Variants in TCFL5 observed in about 807,000 individuals in gnomAD.
TCFL5 encodes transcription factor like 5, also known as transcription factor-like 5 protein.
TCFL5 carries 9 observed loss-of-function variants against 44.3 expected under a neutral mutation model. The observed-to-expected ratio is 0.20, with a 90% CI of 0.12 to 0.35. The LOEUF (loss-of-function observed/expected upper bound fraction) is 0.35. TCFL5 is among the 10% of genes least tolerant of loss of function. The probability of loss-of-function intolerance (pLI) is 1.00; values close to 1 mark genes in which losing one functional copy is unlikely to be tolerated. For missense variants in TCFL5, 603 were observed against 613.4 expected, an observed-to-expected ratio of 0.98 and a Z score of 0.18; for synonymous variants, 319 against 271.6, an observed-to-expected ratio of 1.17 and a Z score of -1.72.
At chr20:62,846,202 T>C (rs1182516394) in intron 5 of TCFL5, 3 of 923,152 alleles carry the variant, frequency 3.2e-6, no homozygotes, top group African/African-American at 1.7e-5. Flanking sequence ...AAAATAATCA[T>C]CCTCAGACAT....
At chr20:62,859,969 A>G (rs1179040603) in intron 2 of TCFL5, among the ~76,000 whole-genome samples, 156 bp downstream of exon 2, 1 of 152,272 alleles carries the variant, frequency 6.6e-6, no homozygotes, top group East Asian at 1.9e-4. Flanking sequence ...TCGGCCTCCC[A>G]AAGTGCTGGG....
intron 5 of TCFL5, chr20:62,844,914 C>T: frequency 1.0e-6 from 1 of 984,934 alleles, no homozygotes; most frequent in Non-Finnish European, 1.2e-6. Context: ...CTTTTTGTTG[C>T]TGAGTTGTAG....
In TCFL5 at chr20:62,861,375, T is replaced by A; in HGVS notation, c.296A>T (p.Gln99Leu). 1 of 1,071,102 alleles carries A rather than the reference T, an allele frequency of 9.3e-7. No homozygotes were observed. The highest frequency in any genetic ancestry group is 1.1e-6 in the Non-Finnish European group (1 of 889,546). The allele number at this position is 1,071,102 out of a possible 1,614,324, so 66.3% of individuals were successfully genotyped here. A position where few individuals can be genotyped will look rare whatever the true frequency, so the allele number is the denominator to read the frequency against. The change falls in exon 1 of 6, where the codon CAG (glutamine) becomes CTG (leucine). Residue 99 changes from glutamine to leucine, a missense_variant. Gln to Leu is a moderately radical substitution (Grantham distance 113). Transcript: ENST00000335351. The surrounding 1 kb of genome is among the most constrained non-coding windows in gnomAD (Gnocchi z 4.0). ...GGGGTACACGGGCGCCGCGCCCCCC[T>A]GACCGCCCGCCGCGAAGCCGCCCGC... Reference protein sequence around the residue: ...AGAGGFAAGGQGGAAPVYPVL... With the variant: ...AGAGGFAAGGLGGAAPVYPVL...
chr20:62,845,240 G>T, intron 5 of TCFL5: 1 of 807,336 alleles, frequency 1.2e-6, no homozygotes, highest in Non-Finnish European at 1.5e-6. Context: ...TCCCACCTCA[G>T]CCTCCTGAGT....
intron 4 of TCFL5, 21 bp from the exon 5 acceptor site, chr20:62,854,178 C>A (rs1015585390): frequency 6.2e-7 from 1 of 1,613,006 alleles, no homozygotes; most frequent in South Asian, 1.1e-5. Context: ...AACCCAAAGT[C>A]ATCACCGAGA....
At chr20:62,858,713 G>A (rs1298533199) in intron 3 of TCFL5, among the ~76,000 whole-genome samples, 1 of 108,676 alleles carries the variant, frequency 9.2e-6, no homozygotes, top group East Asian at 2.4e-4. Context: ...TTCCCAGGGA[G>A]GAAGGGGCTA....
intron 4 of TCFL5, 53 bp from the exon 5 acceptor site, chr20:62,854,210 T>C: frequency 3.1e-6 from 5 of 1,599,092 alleles, no homozygotes; most frequent in South Asian, 1.1e-5. Flanking sequence ...AAAACAAACA[T>C]GTAAAAGGAA....
At position 62,851,640 on chromosome 20, in the gene TCFL5, T is replaced by C. The variant is rs1442090881; in HGVS notation, c.1380+2376A>G. 5 of 985,276 alleles carry C rather than the reference T, an allele frequency of 5.1e-6. No individual in the cohort carries two copies. In the African/African-American group the frequency reaches 7.0e-5, roughly 14 times the overall value. The allele number at this position is 985,276 out of a possible 1,614,324, so 61.0% of individuals were successfully genotyped here. ...CATCGCTATAGAATGCAATTAAATG[T>C]ATAATGTAAATAAACAACTTAAATT... On this transcript the variant is annotated intron_variant, in intron 5 of 5. Transcript: ENST00000335351.
intron 5 of TCFL5, among the ~76,000 whole-genome samples, chr20:62,850,506 A>G (rs2063793790): frequency 1.3e-5 from 2 of 151,830 alleles, no homozygotes; most frequent in Non-Finnish European, 2.9e-5. Flanking sequence ...CACAAACACA[A>G]GAAGCCTTGT....
Position 62,860,299 on chromosome 20 carries a change from A to T in TCFL5, c.657T>A (p.Thr219=). The T allele has an allele frequency of 6.2e-7, 1 of 1,605,896 alleles. No homozygotes were observed. Among genetic ancestry groups the T allele is most frequent in the Non-Finnish European group, 8.5e-7 (1 of 1,173,038 alleles). Residue 219 remains threonine, a synonymous_variant, in exon 2 of 6, where the codon ACT becomes ACA. Coordinates refer to ENST00000335351, the MANE Select transcript of TCFL5 (RefSeq NM_006602.4). ...EPGGALNNLV[T]LIRHPSELMN... ...TTAGTTCAGATGGATGTCGAATGAG[A>T]GTTACCAAACTGCCAAGACAAAAGA... is the stretch of plus-strand genomic sequence containing the variant.
chr20:62,844,558 TC>T lies in TCFL5; in HGVS notation c.1381-2462del, dbSNP rs1433834830. Among the ~76,000 whole-genome samples, 1,063 of 135,718 alleles carry T rather than the reference TC, an allele frequency of 7.8e-3. 5 individuals carry two copies. The highest frequency in any genetic ancestry group is 0.012 in the Non-Finnish European group (749 of 64,882). The allele number at this position is 135,718 out of a possible 152,430, so 89.0% of individuals were successfully genotyped here. Reference sequence around the variant, plus strand: ...CACGCCTGGCTTTCAACATTTTTTTTCTGTTTTTTTTTGTTTGTTTTTTGTT... The same window carrying T: ...CACGCCTGGCTTTCAACATTTTTTTTTGTTTTTTTTTGTTTGTTTTTTGTT... On this transcript the variant is annotated intron_variant, in intron 5 of 5. Transcript: ENST00000335351.
intron 5 of TCFL5, among the ~76,000 whole-genome samples, chr20:62,846,878 A>C (rs1169099081): frequency 1.3e-5 from 2 of 152,136 alleles, no homozygotes; most frequent in Admixed American, 6.5e-5. Flanking sequence ...AAAATATACC[A>C]GGAAGTTATT....
At position 62,857,513 on chromosome 20, in the gene TCFL5, C is replaced by A; in HGVS notation, c.1120G>T (p.Gly374Cys). ...NVGEGATATQ[G>C]AWQSSESSQA... ...GAGGACTCCGAGGACTGCCAAGCGC[C>A]TTGTGTGGCGGTGGCACCTTCGCCC... is the stretch of plus-strand genomic sequence containing the variant. Residue 374 changes from glycine to cysteine, a missense_variant, in exon 4 of 6, where the codon GGC (glycine) becomes TGC (cysteine). This residue lies in a region of TCFL5 where 540 missense variants were observed against 478.7 expected (regional missense o/e 1.13). Transcript: ENST00000335351. 1 of 1,614,266 alleles carries A rather than the reference C, an allele frequency of 6.2e-7. No individual in the cohort carries two copies. Among genetic ancestry groups the A allele is most frequent in the Non-Finnish European group, 8.5e-7 (1 of 1,180,048 alleles).
chr20:62,842,473 C>T lies in TCFL5; in HGVS notation c.1381-376G>A, dbSNP rs568173966. On this transcript the variant is annotated intron_variant, in intron 5 of 5. Transcript: ENST00000335351. The surrounding 1 kb of genome is among the most constrained non-coding windows in gnomAD (Gnocchi z 4.3). ...AGAAGGTAGAGTGTATATATTAAAA[C>T]GTTTCAGGCCGGGCGTGGCGGCTCA... Among the ~76,000 whole-genome samples, 5 of 152,296 alleles carry T rather than the reference C, an allele frequency of 3.3e-5. No individual in the cohort carries two copies. The highest frequency in any genetic ancestry group is 2.1e-4 in the South Asian group (1 of 4,826).
chr20:62,845,761 C>T, intron 5 of TCFL5: 4 of 1,606,248 alleles, frequency 2.5e-6, no homozygotes, highest in Non-Finnish European at 3.4e-6. Flanking sequence ...GATAACTTCT[C>T]CATCACCAAG....
rs2063677810 is a variant in TCFL5 at position 62,841,271 on chromosome 20, ATAAG to A, written c.*700_*703del. 1.3e-5 allele frequency: 2 copies of A among 153,142 alleles called. No individual in the cohort carries two copies. The highest frequency in any genetic ancestry group is 2.9e-5 in the Non-Finnish European group (2 of 69,364). The allele number at this position is 153,142 out of a possible 1,614,324, so 9.5% of individuals were successfully genotyped here. On this transcript the variant is annotated 3_prime_UTR_variant, in exon 6 of 6. Transcript: ENST00000335351. ...CTATTGCTATTACCTGTTGTGATTG[ATAAG>A]TAAAGCCACTCATTGAAAAACCCAA...
chr20:62,843,752 G>A (rs1157971718), intron 5 of TCFL5, among the ~76,000 whole-genome samples: 1 of 152,076 alleles, frequency 6.6e-6, no homozygotes, highest in Non-Finnish European at 1.5e-5. Context: ...ACTCCACACC[G>A]CTCCGGCCCC....
intron 5 of TCFL5, among the ~76,000 whole-genome samples, chr20:62,853,225 C>G (rs1056890950): frequency 2.6e-5 from 4 of 152,062 alleles, no homozygotes; most frequent in Non-Finnish European, 5.9e-5. Flanking sequence ...GTATATGCAC[C>G]CAGTCCACAG....
intron 4 of TCFL5, among the ~76,000 whole-genome samples, chr20:62,855,270 C>T (rs895933400): frequency 2.0e-5 from 3 of 152,128 alleles, no homozygotes; most frequent in Non-Finnish European, 4.4e-5. Flanking sequence ...AGTGATCCTC[C>T]CACACCTCAG....
Sources: allele counts gnomAD v4.1 joint callset (sites outside exome capture counted in the v4.1 genomes callset), GRCh38; gene constraint gnomAD v4.1.1; regional missense constraint gnomAD v4.1.1; non-coding constraint Gnocchi (gnomAD v3.1); transcripts MANE v1.5; gene names NCBI Gene and HGNC (gene_info 2026-07-23, HGNC 2026-07-21).